The following ATG2B variants were observed in gnomAD, a reference collection of about 807,000 sequenced individuals.
The protein encoded by ATG2B is autophagy-related protein 2 homolog B.
In ATG2B, 121 loss-of-function variants were observed where a neutral mutation model predicts 241.3. That is an observed-to-expected ratio of 0.50 (90% CI 0.43 to 0.58). The LOEUF (loss-of-function observed/expected upper bound fraction) is 0.58. ATG2B is among the 20% of genes least tolerant of loss of function. The pLI, the probability that ATG2B is intolerant of heterozygous loss-of-function variation, is 0.00. For missense variants in ATG2B, 2,306 were observed against 2,491.6 expected (o/e 0.93, Z 1.59); for synonymous variants, 858 against 876.6 (o/e 0.98, Z 0.37).
intron 8 of ATG2B, among the ~76,000 whole-genome samples, 194 bp downstream of exon 8, chr14:96,333,494 T>C (rs370324816): frequency 1.3e-5 from 2 of 152,224 alleles, no homozygotes; most frequent in Admixed American, 1.3e-4. Context: ...AAATATACTA[T>C]AGCACCTATG....
At chr14:96,361,638 G>C (rs1387197681) in intron 1 of ATG2B, among the ~76,000 whole-genome samples, 1 of 152,100 alleles carries the variant, frequency 6.6e-6, no homozygotes, top group African/African-American at 2.4e-5. Context: ...TGAAGTGTGT[G>C]CTCCATTAGT....
intron 28 of ATG2B, among the ~76,000 whole-genome samples, chr14:96,309,839 A>G (rs571041044): frequency 3.9e-5 from 6 of 152,330 alleles, no homozygotes; most frequent in African/African-American, 1.4e-4. Context: ...GGGATCTTGA[A>G]GAGGCAATGC....
chr14:96,306,903 T>G lies in ATG2B; in HGVS notation c.4317A>C (p.Glu1439Asp). The G allele has an allele frequency of 5.6e-6, 9 of 1,612,786 alleles. No individual in the cohort carries two copies. Among genetic ancestry groups the G allele is most frequent in the Non-Finnish European group, 7.6e-6 (9 of 1,179,730 alleles). Residue 1439 changes from glutamate to aspartate, a missense_variant, in exon 30 of 42, where the codon GAA becomes GAC. This residue lies in a region of ATG2B where 1,927 missense variants were observed against 2,011.2 expected (regional missense o/e 0.96). Coordinates refer to ENST00000359933, the MANE Select transcript of ATG2B (RefSeq NM_018036.7). ...VKPQANGVLD[E>D]KSQIQEPCCS... is the part of the protein sequence containing the mutation. ...AACATGGCTCCTGAATTTGAGATTTTTCATCCAAAACACCTAGATAAAAAG... is the reference window on the plus strand; with the variant it reads ...AACATGGCTCCTGAATTTGAGATTTGTCATCCAAAACACCTAGATAAAAAG...
In ATG2B at chr14:96,281,968, G is replaced by A. The variant is rs1886211256; in HGVS notation, c.*3787C>T. On this transcript the variant is annotated 3_prime_UTR_variant, in exon 42 of 42. Coordinates refer to ENST00000359933, the MANE Select transcript of ATG2B (RefSeq NM_018036.7). ...CTCTGATATGCAGGCACTATAATGG[G>A]GGGAAATACTTCTGAATAAAAACAT... The A allele has an allele frequency of 6.6e-6, 1 of 152,174 alleles. No homozygotes were observed. Among genetic ancestry groups the A allele is most frequent in the African/African-American group, 2.4e-5 (1 of 41,432 alleles). 9.4% of individuals were successfully genotyped at this position (152,174 alleles called of 1,614,324 possible).
chr14:96,308,274 ATATATATAT>A lies in ATG2B; in HGVS notation c.4303+1170_4303+1178del, dbSNP rs1566719950. On this transcript the variant is annotated intron_variant, in intron 29 of 41. Coordinates refer to ENST00000359933, the MANE Select transcript of ATG2B (RefSeq NM_018036.7). ...TATACACACATATATATATATATATATATATATATTTTTTTTTTTTTTTTTTTTGAGACA... is the reference window on the plus strand; with the variant it reads ...TATACACACATATATATATATATATATTTTTTTTTTTTTTTTTTTGAGACA... Among the ~76,000 whole-genome samples the A allele has an allele frequency of 1.9e-3, 48 of 25,866 alleles. 1 individual carries two copies. Among genetic ancestry groups the A allele is most frequent in the South Asian group, 3.9e-3 (3 of 772 alleles). 17.0% of individuals were successfully genotyped at this position (25,866 alleles called of 152,430 possible).
At chr14:96,304,801 C>A in intron 31 of ATG2B, among the ~76,000 whole-genome samples, 198 bp from the exon 32 acceptor site, 1 of 152,072 alleles carries the variant, frequency 6.6e-6, no homozygotes, top group East Asian at 1.9e-4. Flanking sequence ...TTCATTATTG[C>A]CATTAGAGTA....
chr14:96,304,166 C>T (rs557408623), intron 32 of ATG2B, among the ~76,000 whole-genome samples: 1 of 152,350 alleles, frequency 6.6e-6, no homozygotes, highest in East Asian at 1.9e-4. Flanking sequence ...CTCAGTCTGA[C>T]CCTACCTCAG....
rs554064973 is a variant in ATG2B at position 96,334,420 on chromosome 14, C to T, written c.1006G>A (p.Ala336Thr). ...TTATACTTGCCTGGTCCAGCAATAG[C>T]TGCCAACATATCCAAAAGCAAGTGC... The part of the protein sequence containing the change: ...QVHLLLDMLA[A>T]IAGPENSSKI... Residue 336 changes from alanine to threonine, a missense_variant, in exon 7 of 42, where the codon GCT becomes ACT. Physicochemically the swap from Ala to Thr is moderately conservative, Grantham distance 58. Coordinates refer to ENST00000359933, the MANE Select transcript of ATG2B (RefSeq NM_018036.7). 6.2e-7 allele frequency: 1 copy of T among 1,608,990 alleles called. No individual in the cohort carries two copies. Among genetic ancestry groups the T allele is most frequent in the East Asian group, 2.2e-5 (1 of 44,682 alleles).
At chr14:96,306,015 G>A (rs1886936908) in intron 30 of ATG2B, among the ~76,000 whole-genome samples, 200 bp from the exon 31 acceptor site, 3 of 152,022 alleles carry the variant, frequency 2.0e-5, no homozygotes, top group Non-Finnish European at 2.9e-5. Context: ...TTTGTTCTAC[G>A]TAAACCACTC....
chr14:96,359,456 C>CT (rs1258419974), intron 1 of ATG2B, among the ~76,000 whole-genome samples: 2 of 152,210 alleles, frequency 1.3e-5, no homozygotes, highest in African/African-American at 2.4e-5. Flanking sequence ...AGAAAAGGGT[C>CT]TTTGTTTAGT....
intron 35 of ATG2B, 98 bp from the exon 36 acceptor site, chr14:96,295,265 T>A: frequency 1.7e-6 from 2 of 1,154,612 alleles, no homozygotes; most frequent in Non-Finnish European, 2.5e-6. Flanking sequence ...ACATTTTATT[T>A]AATCAAAATA....
Position 96,347,193 on chromosome 14 carries a change from G to C in ATG2B, c.311C>G (p.Pro104Arg), listed in dbSNP as rs1253492345. The C allele has an allele frequency of 6.3e-7, 1 of 1,593,540 alleles. No homozygotes were observed. Among genetic ancestry groups the C allele is most frequent in the Admixed American group, 1.7e-5 (1 of 59,788 alleles). Residue 104 changes from proline to arginine, a missense_variant, in exon 2 of 42, where the codon CCT becomes CGT. Coordinates refer to ENST00000359933, the MANE Select transcript of ATG2B (RefSeq NM_018036.7). ...AACACACCAACCTGGGCGAGGTCTA[G>C]GCCGGAAGACCATTTCTAATCCTCT... ...EVRGLEMVFRPRPRPATGSEP... is the reference protein window; with the variant it reads ...EVRGLEMVFRRRPRPATGSEP...
Position 96,328,549 on chromosome 14 carries a change from A to C in ATG2B, c.1975-14T>G, listed in dbSNP as rs768031532. 6.3e-7 allele frequency: 1 copy of C among 1,581,840 alleles called. No homozygotes were observed. Among genetic ancestry groups the C allele is most frequent in the South Asian group, 1.2e-5 (1 of 85,304 alleles). On this transcript the variant is annotated splice_polypyrimidine_tract_variant and intron_variant, in intron 13 of 41. Transcript: ENST00000359933. ...TGCTTGATTACCCTTTTAAAAAAAA[A>C]AAAGAAAAGGCATTAATACAATCAC... is the stretch of plus-strand genomic sequence containing the variant.
At chr14:96,349,727 G>C (rs1888263592) in intron 1 of ATG2B, among the ~76,000 whole-genome samples, 1 of 152,214 alleles carries the variant, frequency 6.6e-6, no homozygotes, top group Admixed American at 6.5e-5. Context: ...AAGCAGGTTA[G>C]AGGGAAGATG....
At chr14:96,341,976 G>A (rs996418335) in intron 5 of ATG2B, among the ~76,000 whole-genome samples, 1 of 152,024 alleles carries the variant, frequency 6.6e-6, no homozygotes, top group African/African-American at 2.4e-5. Context: ...AACCTAATGG[G>A]CACTGTATAA....
chr14:96,363,120 G>T lies in ATG2B; in HGVS notation c.-144C>A, dbSNP rs914982904. On this transcript the variant is annotated 5_prime_UTR_variant, in exon 1 of 42. Coordinates refer to ENST00000359933, the MANE Select transcript of ATG2B (RefSeq NM_018036.7). ...TATTTGGTGCCGGGAGTCCCTCAGGGAGACCCCATCGCCGGCGCCGCACCG... is the reference window on the plus strand; with the variant it reads ...TATTTGGTGCCGGGAGTCCCTCAGGTAGACCCCATCGCCGGCGCCGCACCG... 1.1e-6 allele frequency: 1 copy of T among 902,236 alleles called. No homozygotes were observed. The highest frequency in any genetic ancestry group is 1.7e-5 in the African/African-American group (1 of 59,100). 55.9% of individuals were successfully genotyped at this position (902,236 alleles called of 1,614,324 possible).
In ATG2B at chr14:96,325,634, C is replaced by T. The variant is rs1363007485; in HGVS notation, c.2437+15G>A. 7 of 1,597,620 alleles carry T rather than the reference C, an allele frequency of 4.4e-6. No homozygotes were observed. The South Asian group carries it at 6.8e-5, about 15-fold the overall frequency. ...TTATCTAGGATGGTTCTTTTACAGG[C>T]ACATTCAATCTTACCAATTAGTTCT... On this transcript the variant is annotated intron_variant, in intron 15 of 41. Coordinates refer to ENST00000359933, the MANE Select transcript of ATG2B (RefSeq NM_018036.7).
chr14:96,322,842 G>T, intron 16 of ATG2B, 107 bp from the exon 17 acceptor site: 2 of 885,998 alleles, frequency 2.3e-6, no homozygotes, highest in Non-Finnish European at 3.3e-6. Context: ...CTTAATGATA[G>T]AATTAAACTT....
intron 18 of ATG2B, among the ~76,000 whole-genome samples, chr14:96,319,181 A>AT (rs894279979): frequency 6.6e-6 from 1 of 152,186 alleles, no homozygotes; most frequent in African/African-American, 2.4e-5. Context: ...AGGACTGAGG[A>AT]TTGTGACTCT....
Sources: allele counts gnomAD v4.1 joint callset (sites outside exome capture counted in the v4.1 genomes callset), GRCh38; gene constraint gnomAD v4.1.1; regional missense constraint gnomAD v4.1.1; transcripts MANE v1.5; gene names NCBI Gene and HGNC (gene_info 2026-07-23, HGNC 2026-07-21).